Variants in OTOF observed in about 807,000 individuals in gnomAD.
OTOF encodes fer-1-like family member 2.
OTOF carries 218 observed loss-of-function variants against 236.8 expected under a neutral mutation model. The observed-to-expected ratio is 0.92, with a 90% CI of 0.82 to 1.03. OTOF has a LOEUF of 1.03. Among genes scored for constraint, OTOF ranks in the 50% least tolerant of loss-of-function variants. The pLI is 0.00. For missense variants in OTOF, 2,590 were observed against 2,694.4 expected (o/e 0.96, Z 0.86); for synonymous variants, 1,041 against 1,072.5 (o/e 0.97, Z 0.57).
At chr2:26,472,331 G>T (rs1376994668) in intron 30 of OTOF, 188 bp downstream of exon 30, 2 of 715,064 alleles carry the variant, frequency 2.8e-6, no homozygotes, top group South Asian at 1.5e-5. Flanking sequence ...ACACGCACGC[G>T]TGTGCATTCC....
chr2:26,532,092 C>CAAAAAAA (rs150580671), intron 2 of OTOF, among the ~76,000 whole-genome samples: 1,002 of 80,144 alleles, frequency 0.013, 126 homozygotes, highest in African/African-American at 0.058. Flanking sequence ...GACTCCACCT[C>CAAAAAAA]AAAAAAAAAA....
rs1249251093 is a variant in OTOF at position 26,462,181 on chromosome 2, C to T, written c.5193G>A (p.Lys1731=). Residue 1731 remains lysine, a splice_region_variant and synonymous_variant, in exon 42 of 47, where the codon AAG becomes AAA. Transcript: ENST00000272371. The surrounding 1 kb of genome is among the most constrained non-coding windows in gnomAD (Gnocchi z 4.7). Reference sequence around the variant, plus strand: ...TCCAGATGATGACCCGCAGCTCGTACCTGGGCCCAGGGAGAGAAGGCTGGT... The same window carrying T: ...TCCAGATGATGACCCGCAGCTCGTATCTGGGCCCAGGGAGAGAAGGCTGGT... ...PLDISPRKPK[K]YELRVIIWNT... 6.2e-7 allele frequency: 1 copy of T among 1,613,870 alleles called. No homozygotes were observed. Among genetic ancestry groups the T allele is most frequent in the Non-Finnish European group, 8.5e-7 (1 of 1,179,948 alleles).
Position 26,473,113 on chromosome 2 carries a change from A to G in OTOF, c.3733+19T>C. 1.2e-6 allele frequency: 2 copies of G among 1,606,522 alleles called. No individual in the cohort carries two copies. Among genetic ancestry groups the G allele is most frequent in the East Asian group, 2.2e-5 (1 of 44,750 alleles). ...GGGGCGTGGAGCCAGGCTTGGTGGC[A>G]GGGTGGATGTGGCCATACCCGTGGT... On this transcript the variant is annotated intron_variant, in intron 29 of 46. Coordinates refer to ENST00000272371, the MANE Select transcript of OTOF (RefSeq NM_194248.3). The surrounding 1 kb of genome is among the most constrained non-coding windows in gnomAD (Gnocchi z 7.2).
intron 25 of OTOF, 72 bp downstream of exon 25, chr2:26,475,287 G>A (rs1360489389): frequency 1.2e-5 from 19 of 1,553,870 alleles, no homozygotes; most frequent in African/African-American, 5.4e-5. Context: ...CAGCCTCAGC[G>A]CAGGTGGAGT....
chr2:26,551,114 C>T (rs374835403), intron 1 of OTOF, among the ~76,000 whole-genome samples: 23 of 152,142 alleles, frequency 1.5e-4, no homozygotes, highest in African/African-American at 4.3e-4. Flanking sequence ...CTCAGCCTCC[C>T]GAGTAGCTGG....
intron 8 of OTOF, among the ~76,000 whole-genome samples, chr2:26,499,114 C>G (rs1666057329): frequency 6.6e-6 from 1 of 152,096 alleles, no homozygotes; most frequent in African/African-American, 2.4e-5. Flanking sequence ...TAAAGAGACT[C>G]AAGACCCCTT....
chr2:26,551,591 G>C (rs1667463908), intron 1 of OTOF, among the ~76,000 whole-genome samples: 1 of 152,222 alleles, frequency 6.6e-6, no homozygotes, highest in African/African-American at 2.4e-5. Context: ...GATGGGTGCA[G>C]TGGTCATCTT....
intron 8 of OTOF, among the ~76,000 whole-genome samples, chr2:26,499,840 T>C (rs1666075803): frequency 6.6e-6 from 1 of 152,224 alleles, no homozygotes; most frequent in Non-Finnish European, 1.5e-5. Context: ...GTGAAAATAA[T>C]TTCACATTTG....
At chr2:26,458,714 T>TCCCAGC (rs1237429721) in intron 46 of OTOF, among the ~76,000 whole-genome samples, 1 of 152,182 alleles carries the variant, frequency 6.6e-6, no homozygotes, top group Non-Finnish European at 1.5e-5. Context: ...CTGTAGAGCC[T>TCCCAGC]CCCAGCCGAG....
At chr2:26,476,404 G>C (rs1400897470) in intron 22 of OTOF, 87 bp from the exon 23 acceptor site, 1 of 1,298,072 alleles carries the variant, frequency 7.7e-7, no homozygotes, top group African/African-American at 1.5e-5. Context: ...AGAGGCCCTG[G>C]TCAGAGCTGC....
chr2:26,480,862 T>G lies in OTOF; in HGVS notation c.1727A>C (p.Glu576Ala), dbSNP rs143008812. 1.2e-6 allele frequency: 2 copies of G among 1,612,830 alleles called. No homozygotes were observed. Among genetic ancestry groups the G allele is most frequent in the Non-Finnish European group, 1.7e-6 (2 of 1,179,958 alleles). Residue 576 changes from glutamate (E) to alanine (A), a missense_variant, in exon 15 of 47, where the codon GAG becomes GCG. Physicochemically the swap from Glu to Ala is moderately radical, Grantham distance 107 (BLOSUM62 -1). Transcript: ENST00000272371. ...RARLLLGLAV[E>A]IVDTSNPELT... Reference sequence around the variant, plus strand: ...CTCAGGGTTGGAGGTGTCTACGATCTCCACAGCCAGGCCCAGCAGGAGCCG... The same window carrying G: ...CTCAGGGTTGGAGGTGTCTACGATCGCCACAGCCAGGCCCAGCAGGAGCCG...
At chr2:26,488,774 G>C (rs1455330196) in intron 11 of OTOF, among the ~76,000 whole-genome samples, 1 of 152,234 alleles carries the variant, frequency 6.6e-6, no homozygotes, top group Non-Finnish European at 1.5e-5. Flanking sequence ...CCTGTGAGGG[G>C]TGGAAAGGGG....
rs1296569219 is a variant in OTOF, at chr2:26,474,035, C to T, written c.3364G>A (p.Val1122Met). ...VDVDRGPIMP[V>M]PMGIRPVLSK... Reference sequence around the variant, plus strand: ...AGCACGGGCCGGATGCCCATGGGCACGGGCATGATGGGACCTCGGTCCACG... The same window carrying T: ...AGCACGGGCCGGATGCCCATGGGCATGGGCATGATGGGACCTCGGTCCACG... Residue 1122 changes from valine (V) to methionine (M), a missense_variant, in exon 27 of 47, where the codon GTG (valine) becomes ATG (methionine). Physicochemically the swap from Val to Met is conservative, Grantham distance 21. Around this residue, in one of 2 missense-constraint regions of OTOF, gnomAD observed 1,211 missense variants for 1,352.8 expected, o/e 0.90. Coordinates refer to ENST00000272371, the MANE Select transcript of OTOF (RefSeq NM_194248.3). 6 of 1,612,810 alleles carry T rather than the reference C, an allele frequency of 3.7e-6. No individual in the cohort carries two copies. Among genetic ancestry groups the T allele is most frequent in the African/African-American group, 1.3e-5 (1 of 74,874 alleles).
At chr2:26,492,072 G>C (rs1056623129) in intron 9 of OTOF, among the ~76,000 whole-genome samples, 4 of 152,188 alleles carry the variant, frequency 2.6e-5, no homozygotes, top group African/African-American at 9.7e-5. Flanking sequence ...CATTGAAAAG[G>C]AATGTGGCAT....
chr2:26,489,803 TG>T, intron 9 of OTOF, 63 bp from the exon 10 acceptor site: 1 of 1,297,764 alleles, frequency 7.7e-7, no homozygotes, highest in Non-Finnish European at 1.1e-6. Context: ...CAGGCAGTGT[TG>T]GGCCCCTCCC....
chr2:26,460,294 G>A lies in OTOF; in HGVS notation c.5814-89C>T. ...AGGGGCCAAGACCAAGAGGGAAGCT[G>A]TCCTGGGCTGTGTGTGCAGTTCTAG... On this transcript the variant is annotated intron_variant, in intron 45 of 46. Transcript: ENST00000272371. This position sits in a 1 kb window ranked among gnomAD's most constrained non-coding sequence, Gnocchi z 5.3. 1.8e-6 allele frequency: 2 copies of A among 1,091,940 alleles called. No individual in the cohort carries two copies. The highest frequency in any genetic ancestry group is 2.7e-6 in the Non-Finnish European group (2 of 732,306). 67.6% of individuals were successfully genotyped at this position (1,091,940 alleles called of 1,614,324 possible).
intron 1 of OTOF, 39 bp from the exon 2 acceptor site, chr2:26,537,813 G>C (rs1197613609): frequency 1.4e-6 from 2 of 1,462,274 alleles, no homozygotes; most frequent in South Asian, 2.4e-5. Flanking sequence ...GGTCAGAGCT[G>C]TCCAGACGAT....
chr2:26,477,834 A>G lies in OTOF; in HGVS notation c.2215-85T>C, dbSNP rs940299421. On this transcript the variant is annotated intron_variant, in intron 18 of 46. Coordinates refer to ENST00000272371, the MANE Select transcript of OTOF (RefSeq NM_194248.3). This position sits in a 1 kb window ranked among gnomAD's most constrained non-coding sequence, Gnocchi z 4.7. ...ATGCCTCCTCCCTGTTGATCAGGGG[A>G]GTGAGGGACCTCATGATCTGGGAGC... 7 of 1,573,794 alleles carry G rather than the reference A, an allele frequency of 4.4e-6. No individual in the cohort carries two copies. In the African/African-American group the frequency reaches 8.1e-5, roughly 18 times the overall value.
Position 26,473,546 on chromosome 2 carries a change from C to A in OTOF, c.3430G>T (p.Asp1144Tyr). ...TGGGCCAGGTTCACCCGCTTTAGGT[C>A]CCGTAGGCCCCAGAACAGCACCTGG... ...RVEVLFWGLR[D>Y]LKRVNLAQVD... is the part of the protein sequence containing the mutation. The change falls in exon 28 of 47, where the codon GAC becomes TAC. Residue 1144 changes from aspartate to tyrosine, a missense_variant. Transcript: ENST00000272371. This position sits in a 1 kb window ranked among gnomAD's most constrained non-coding sequence, Gnocchi z 7.2. The A allele has an allele frequency of 6.2e-7, 1 of 1,609,160 alleles. No individual in the cohort carries two copies. Among genetic ancestry groups the A allele is most frequent in the East Asian group, 2.2e-5 (1 of 44,862 alleles).
Sources: allele counts gnomAD v4.1 joint callset (sites outside exome capture counted in the v4.1 genomes callset), GRCh38; gene constraint gnomAD v4.1.1; regional missense constraint gnomAD v4.1.1; non-coding constraint Gnocchi (gnomAD v3.1); transcripts MANE v1.5; gene names NCBI Gene and HGNC (gene_info 2026-07-23, HGNC 2026-07-21).